The following SRGAP1 variants were observed in gnomAD, a reference collection of about 807,000 sequenced individuals.
SRGAP1 encodes the protein SLIT-ROBO Rho GTPase activating protein 1, also known as SLIT-ROBO Rho GTPase-activating protein 1.
SRGAP1 carries 43 observed loss-of-function variants against 121.9 expected under a neutral mutation model. That is an observed-to-expected ratio of 0.35 (90% CI 0.28 to 0.46). SRGAP1 has a LOEUF of 0.46. SRGAP1 is among the 20% of genes least tolerant of loss of function. The pLI, the probability that SRGAP1 is intolerant of heterozygous loss-of-function variation, is 1.00. For missense variants in SRGAP1, 1,102 were observed against 1,350.9 expected, an observed-to-expected ratio of 0.82 and a Z score of 2.89; for synonymous variants, 447 against 485.4, an observed-to-expected ratio of 0.92 and a Z score of 1.04.
At position 64,151,809 on chromosome 12, in the gene SRGAP1, GCAAA is replaced by G. The variant is rs2037122449; in HGVS notation, c.*9140_*9143del. On this transcript the variant is annotated 3_prime_UTR_variant, in exon 22 of 22. Coordinates refer to ENST00000355086, the MANE Select transcript of SRGAP1 (RefSeq NM_020762.4). ...TCTTTATTGTTTCAGCTAAACATCA[GCAAA>G]CAGAGATTTTCCTCAGGCACCTTAA... 1 of 152,092 alleles carries G rather than the reference GCAAA, an allele frequency of 6.6e-6. No individual in the cohort carries two copies. The highest frequency in any genetic ancestry group is 2.4e-5 in the African/African-American group (1 of 41,406). The allele number at this position is 152,092 out of a possible 1,614,324, so 9.4% of individuals were successfully genotyped here. A position where few individuals can be genotyped will look rare whatever the true frequency, so the allele number is the denominator to read the frequency against.
intron 4 of SRGAP1, among the ~76,000 whole-genome samples, chr12:64,019,853 T>C (rs574902795): frequency 2.6e-5 from 4 of 152,342 alleles, no homozygotes; most frequent in African/African-American, 9.6e-5. Flanking sequence ...CAACTGATGA[T>C]GTAATAGTGA....
intron 21 of SRGAP1, among the ~76,000 whole-genome samples, chr12:64,141,634 A>G (rs964894409): frequency 6.6e-5 from 10 of 152,226 alleles, no homozygotes; most frequent in Non-Finnish European, 5.9e-5. Context: ...AACTTTTATC[A>G]TAAGTTGAAA....
intron 1 of SRGAP1, among the ~76,000 whole-genome samples, chr12:63,855,473 GTTTTTTTTTTTTTTTTT>G (rs781701925): frequency 1.1e-4 from 6 of 52,900 alleles, no homozygotes; most frequent in Admixed American, 6.8e-4. Context: ...GAAAAATGGT[GTTTTTTTTTTTTTTTTT>G]TTTTTTTTTT....
At chr12:64,034,396 C>A (rs114877023) in intron 4 of SRGAP1, among the ~76,000 whole-genome samples, 2,655 of 152,210 alleles carry the variant, frequency 0.017, 93 homozygotes, top group African/African-American at 0.061. Context: ...AACTGTGAGT[C>A]AATTAATCCT....
intron 1 of SRGAP1, among the ~76,000 whole-genome samples, chr12:63,966,709 G>A (rs1029434278): frequency 1.3e-5 from 2 of 152,122 alleles, no homozygotes; most frequent in Non-Finnish European, 1.5e-5. Flanking sequence ...AAAACAAGGG[G>A]TAGAGGTAAC....
At chr12:64,018,934 T>C (rs1427200305) in intron 4 of SRGAP1, among the ~76,000 whole-genome samples, 1 of 152,206 alleles carries the variant, frequency 6.6e-6, no homozygotes, top group Non-Finnish European at 1.5e-5. Context: ...TTCTGTGTCG[T>C]CTTCCATTGA....
rs78198061 is a variant in SRGAP1, at chr12:63,879,961, G to A, written c.67+35078G>A. ...GGGTTGATATGGTTTAGCTGTGTGC[G>A]CACCCAAATCTCATCTTGAATTGTA... On this transcript the variant is annotated intron_variant, in intron 1 of 21. Transcript: ENST00000355086. Among the ~76,000 whole-genome samples the A allele has an allele frequency of 1.0e-2, 1,515 of 152,188 alleles. 32 individuals carry two copies. The highest frequency in any genetic ancestry group is 0.034 in the African/African-American group (1,412 of 41,512).
chr12:64,042,487 A>G (rs779523560), intron 4 of SRGAP1, among the ~76,000 whole-genome samples: 1 of 152,132 alleles, frequency 6.6e-6, no homozygotes, highest in African/African-American at 2.4e-5. Context: ...ATTTTACAGA[A>G]ATACTTTTAA....
At chr12:64,114,331 C>CTA (rs1439000135) in intron 17 of SRGAP1, among the ~76,000 whole-genome samples, 4 of 89,252 alleles carry the variant, frequency 4.5e-5, no homozygotes, top group African/African-American at 1.9e-4. Context: ...ATATGGTTAG[C>CTA]TTTTTTTTTT....
chr12:64,037,241 T>G (rs561968734), intron 4 of SRGAP1, among the ~76,000 whole-genome samples: 1 of 152,106 alleles, frequency 6.6e-6, no homozygotes, highest in Admixed American at 6.6e-5. Context: ...TGACTCAGAG[T>G]GGTACACAAA....
chr12:64,025,709 G>A (rs1032206586), intron 4 of SRGAP1, among the ~76,000 whole-genome samples: 2 of 152,050 alleles, frequency 1.3e-5, no homozygotes, highest in African/African-American at 4.8e-5. Flanking sequence ...AAGGATTTCC[G>A]TACCTCCTTA....
In SRGAP1 at chr12:64,043,552, C is replaced by A. The variant is rs771513856; in HGVS notation, c.778C>A (p.His260Asn). Reference protein sequence around the residue: ...TNASVFKYYIHDLSDLIDCCD... With the variant: ...TNASVFKYYINDLSDLIDCCD... ...TGCCTCAGTTTTCAAGTACTATATT[C>A]ATGATCTTTCTGATTTAATTGATGT... Residue 260 changes from histidine (H) to asparagine (N), a missense_variant, in exon 6 of 22, where the codon CAT (histidine) becomes AAT (asparagine). Coordinates refer to ENST00000355086, the MANE Select transcript of SRGAP1 (RefSeq NM_020762.4). The A allele has an allele frequency of 6.2e-7, 1 of 1,608,214 alleles. No individual in the cohort carries two copies.
chr12:63,879,507 GC>G (rs1565932551), intron 1 of SRGAP1: 1 of 152,028 alleles, frequency 6.6e-6, no homozygotes, highest in East Asian at 1.9e-4. Flanking sequence ...CACATACAAA[GC>G]CCCCATTTTA....
chr12:63,980,336 G>C (rs962282487), intron 1 of SRGAP1, among the ~76,000 whole-genome samples: 1 of 152,188 alleles, frequency 6.6e-6, no homozygotes, highest in Non-Finnish European at 1.5e-5. Context: ...TTACATCCAT[G>C]AGCCAGTCTG....
intron 1 of SRGAP1, chr12:63,982,631 A>G (rs2033285366): frequency 6.6e-6 from 1 of 152,208 alleles, no homozygotes; most frequent in African/African-American, 2.4e-5. Flanking sequence ...TAGAGACATT[A>G]TTTGGACATT....
At chr12:63,934,101 T>A (rs74099380) in intron 1 of SRGAP1, among the ~76,000 whole-genome samples, 3,414 of 152,222 alleles carry the variant, frequency 0.022, 114 homozygotes, top group African/African-American at 0.077. Flanking sequence ...GAGATATAAC[T>A]TTCCTAAGAG....
chr12:64,059,212 A>G (rs1309649469), intron 6 of SRGAP1, among the ~76,000 whole-genome samples: 1 of 152,152 alleles, frequency 6.6e-6, no homozygotes, highest in Non-Finnish European at 1.5e-5. Context: ...GGAAACATGC[A>G]CCGATGCTTT....
intron 1 of SRGAP1, among the ~76,000 whole-genome samples, chr12:63,932,938 C>G (rs1167967587): frequency 6.6e-6 from 1 of 152,120 alleles, no homozygotes; most frequent in African/African-American, 2.4e-5. Flanking sequence ...GCCTTTAATC[C>G]CAGCACTTTG....
intron 3 of SRGAP1, among the ~76,000 whole-genome samples, chr12:64,011,846 T>C (rs1382717647): frequency 3.3e-5 from 5 of 152,196 alleles, no homozygotes; most frequent in African/African-American, 1.2e-4. Context: ...CCAAGTGCAG[T>C]GGCTCACACC....
Sources: allele counts gnomAD v4.1 joint callset (sites outside exome capture counted in the v4.1 genomes callset), GRCh38; gene constraint gnomAD v4.1.1; transcripts MANE v1.5; gene names NCBI Gene and HGNC (gene_info 2026-07-23, HGNC 2026-07-21).